STRA6: variants seen among roughly 807,000 people sequenced by gnomAD.
STRA6 encodes signaling receptor and transporter of retinol STRA6.
A neutral mutation model predicts 83.6 loss-of-function variants in STRA6; 48 were observed. That is an observed-to-expected ratio of 0.57 (90% CI 0.46 to 0.73). STRA6 has a LOEUF of 0.73. Among genes scored for constraint, STRA6 ranks in the 30% least tolerant of loss-of-function variants. The pLI is 0.00. For synonymous variants in STRA6, 353 were observed against 362.3 expected, an observed-to-expected ratio of 0.97 and a Z score of 0.29; for missense variants, 760 against 838.8, an observed-to-expected ratio of 0.91 and a Z score of 1.16.
At chr15:74,196,432 C>G (rs2073826989) in intron 4 of STRA6, 2 of 476,986 alleles carry the variant, frequency 4.2e-6, no homozygotes, top group African/African-American at 2.0e-5. Context: ...GCCACCTCCA[C>G]ACTAATTGGT....
At chr15:74,191,621 TGA>T in intron 8 of STRA6, 130 bp from the exon 9 acceptor site, 2 of 783,032 alleles carry the variant, frequency 2.6e-6, no homozygotes, top group South Asian at 2.8e-5. Context: ...GCGGTGGTGG[TGA>T]GTGTGGATGG....
chr15:74,182,511 T>C (rs1184675930), intron 14 of STRA6, 51 bp from the exon 15 acceptor site: 4 of 1,498,062 alleles, frequency 2.7e-6, no homozygotes. Flanking sequence ...CCATGAAAAC[T>C]GGCCATCCCC....
Position 74,193,781 on chromosome 15 carries a change from C to T in STRA6, c.720+19G>A, listed in dbSNP as rs1446218776. The T allele has an allele frequency of 1.9e-6, 3 of 1,612,900 alleles. No homozygotes were observed. The highest frequency in any genetic ancestry group is 1.7e-5 in the Admixed American group (1 of 59,974). Reference sequence around the variant, plus strand: ...TCTTGGGTGCTGAGGAAGAGCTCATCCCAGGCCTGCCCCTTTACCTTGGAG... The same window carrying T: ...TCTTGGGTGCTGAGGAAGAGCTCATTCCAGGCCTGCCCCTTTACCTTGGAG... On this transcript the variant is annotated intron_variant, in intron 8 of 18. Transcript: ENST00000395105.
chr15:74,182,747 T>C (rs373609987), intron 14 of STRA6: 10 of 417,530 alleles, frequency 2.4e-5, no homozygotes, highest in East Asian at 1.5e-4. Flanking sequence ...TTTGCAAATG[T>C]TATTTCCCTC....
intron 17 of STRA6, 71 bp from the exon 18 acceptor site, chr15:74,181,008 AC>A: frequency 1.9e-6 from 3 of 1,579,616 alleles, no homozygotes; most frequent in Non-Finnish European, 2.6e-6. Flanking sequence ...ACATCCCCTA[AC>A]ACACACACAG....
Position 74,201,057 on chromosome 15 carries a change from G to A in STRA6, c.113+1098C>T, listed in dbSNP as rs530829260. Among the ~76,000 whole-genome samples the A allele has an allele frequency of 3.3e-5, 5 of 152,258 alleles. No homozygotes were observed. The South Asian group carries it at 8.3e-4, about 25-fold the overall frequency. Reference sequence around the variant, plus strand: ...GGATATGTGGAGCCCACAGGCTCTCGGTCAGTCAGGCAAGATGAGTGGGGA... The same window carrying A: ...GGATATGTGGAGCCCACAGGCTCTCAGTCAGTCAGGCAAGATGAGTGGGGA... On this transcript the variant is annotated intron_variant, in intron 2 of 18. Transcript: ENST00000395105.
intron 8 of STRA6, among the ~76,000 whole-genome samples, chr15:74,192,299 G>C (rs2073586271): frequency 6.6e-6 from 1 of 152,144 alleles, no homozygotes; most frequent in South Asian, 2.1e-4. Flanking sequence ...GTCCCGGGGG[G>C]CCGCTCCCTT....
chr15:74,202,292 C>T lies in STRA6; in HGVS notation c.-15-10G>A, dbSNP rs774485033. On this transcript the variant is annotated splice_polypyrimidine_tract_variant and intron_variant, in intron 1 of 18. Transcript: ENST00000395105. ...TTCTCTGGCCCTTCTCCTTTGACCC[C>T]AGGCGAGAGAAAAAAAAAGCCACTA... 3 of 1,558,236 alleles carry T rather than the reference C, an allele frequency of 1.9e-6. No individual in the cohort carries two copies. In the Admixed American group the frequency reaches 6.2e-5, roughly 32 times the overall value.
chr15:74,191,764 G>A (rs533239633), intron 8 of STRA6: 75 of 548,554 alleles, frequency 1.4e-4, no homozygotes, highest in African/African-American at 8.1e-4. Flanking sequence ...TCCAACTCTC[G>A]CCTGCTTTAC....
upstream of STRA6, chr15:74,209,502 A>T (rs1223328662): frequency 6.8e-7 from 1 of 1,464,122 alleles, no homozygotes; most frequent in Non-Finnish European, 9.2e-7. Flanking sequence ...AGCTAAGGGG[A>T]GTCATCACAG....
Position 74,180,650 on chromosome 15 carries a change from C to A in STRA6, c.1840+132G>T, listed in dbSNP as rs537976894. On this transcript the variant is annotated intron_variant, in intron 18 of 18. Transcript: ENST00000395105. ...CCTGAGATCAGACCAGGAGGGGTGACCAAAGGCAGCCAAGGAAGAGAGGAA... is the reference window on the plus strand; with the variant it reads ...CCTGAGATCAGACCAGGAGGGGTGAACAAAGGCAGCCAAGGAAGAGAGGAA... The A allele has an allele frequency of 5.9e-6, 8 of 1,347,622 alleles. No homozygotes were observed. In the East Asian group the frequency reaches 1.9e-4, roughly 32 times the overall value. The allele number at this position is 1,347,622 out of a possible 1,614,324, so 83.5% of individuals were successfully genotyped here.
chr15:74,191,275 T>C (rs1197421403), intron 9 of STRA6, 32 bp from the exon 10 acceptor site: 2 of 1,612,442 alleles, frequency 1.2e-6, no homozygotes, highest in East Asian at 4.5e-5. Flanking sequence ...TGCGGGGTCC[T>C]CAGGGGAAGC....
upstream of STRA6, chr15:74,203,225 A>G: frequency 1.0e-5 from 10 of 985,094 alleles, no homozygotes; most frequent in Non-Finnish European, 1.1e-5. Context: ...TGTTCCTACA[A>G]GTTGATTTCA....
chr15:74,207,929 G>A (rs2074298729), intron 1 of STRA6: 4 of 1,467,594 alleles, frequency 2.7e-6, no homozygotes, highest in Non-Finnish European at 3.6e-6. Flanking sequence ...AAGAGTATGG[G>A]TGACTCTCCA....
At chr15:74,186,780 A>T (rs2073271534) in intron 12 of STRA6, among the ~76,000 whole-genome samples, 1 of 152,196 alleles carries the variant, frequency 6.6e-6, no homozygotes, top group African/African-American at 2.4e-5. Flanking sequence ...CAAAAGAAAA[A>T]AAAAATCACT....
chr15:74,194,784 G>A (rs569502523), intron 7 of STRA6: 3 of 1,277,568 alleles, frequency 2.3e-6, no homozygotes, highest in East Asian at 5.8e-5. Context: ...TTCACACTCA[G>A]GTTGTCTGGC....
chr15:74,198,524 G>T (rs1199600127), intron 2 of STRA6, among the ~76,000 whole-genome samples: 1 of 152,196 alleles, frequency 6.6e-6, no homozygotes, highest in African/African-American at 2.4e-5. Context: ...CTGCAGTTGA[G>T]CACACTACCT....
intron 7 of STRA6, chr15:74,194,768 G>GATGTCTGTGGT: frequency 7.9e-7 from 1 of 1,268,876 alleles, no homozygotes; most frequent in Non-Finnish European, 9.9e-7. Context: ...AAGTGGTGAA[G>GATGTCTGTGGT]CTGGATTCAC....
chr15:74,208,226 G>A (rs1012899169), intron 1 of STRA6, among the ~76,000 whole-genome samples: 1 of 152,134 alleles, frequency 6.6e-6, no homozygotes, highest in African/African-American at 2.4e-5. Flanking sequence ...GCCTTCTAGA[G>A]TAGTGAGGCC....
Sources: allele counts gnomAD v4.1 joint callset (sites outside exome capture counted in the v4.1 genomes callset), GRCh38; gene constraint gnomAD v4.1.1; transcripts MANE v1.5; gene names NCBI Gene and HGNC (gene_info 2026-07-23, HGNC 2026-07-21).